Variants in PTPRO observed in about 807,000 individuals in gnomAD.
PTPRO encodes protein tyrosine phosphatase receptor type O.
In PTPRO, 62 loss-of-function variants were observed where a neutral mutation model predicts 145.2. The observed-to-expected ratio is 0.43, with a 90% CI of 0.35 to 0.53. The LOEUF is 0.53. Ranked by LOEUF, PTPRO falls within the 20% of genes least tolerant of loss-of-function variation. PTPRO has a pLI of 0.01. For missense variants in PTPRO, 1,345 were observed against 1,482.7 expected, an observed-to-expected ratio of 0.91 and a Z score of 1.53; for synonymous variants, 565 against 514.7, an observed-to-expected ratio of 1.10 and a Z score of -1.32.
chr12:15,501,600 G>GA lies in PTPRO; in HGVS notation c.662-16dup, dbSNP rs1213540427. ...ATTGAATTAAAAAATACTTGAAAAT[G>GA]AAAATTCTCTCTCTTACAGCCCCTT... is the stretch of plus-strand genomic sequence containing the variant. On this transcript the variant is annotated intron_variant, in intron 4 of 26. Coordinates refer to ENST00000281171, the MANE Select transcript of PTPRO (RefSeq NM_030667.3). 6.3e-7 allele frequency: 1 copy of GA among 1,596,174 alleles called. No homozygotes were observed.
At chr12:15,458,947 C>T (rs1201066650) in intron 1 of PTPRO, among the ~76,000 whole-genome samples, 2 of 152,124 alleles carry the variant, frequency 1.3e-5, no homozygotes, top group Non-Finnish European at 2.9e-5. Context: ...GCTACCTCTT[C>T]CAGCCTTCAT....
At chr12:15,510,521 T>C (rs2284434) in intron 7 of PTPRO, among the ~76,000 whole-genome samples, 46,074 of 152,160 alleles carry the variant, frequency 0.3, 7,639 homozygotes, top group Middle Eastern at 0.39. Flanking sequence ...AAGGTAGAGA[T>C]AGATATTGTA....
chr12:15,388,762 C>T (rs572548474), intron 1 of PTPRO, among the ~76,000 whole-genome samples: 34 of 152,148 alleles, frequency 2.2e-4, no homozygotes, highest in Non-Finnish European at 4.6e-4. Context: ...CTAGTGAGCA[C>T]ATCCTCCGTA....
rs1216438774 is a variant in PTPRO at position 15,513,211 on chromosome 12, A to AAG, written c.1465-2285_1465-2284dup. Among the ~76,000 whole-genome samples, 29 of 132,664 alleles carry AAG rather than the reference A, an allele frequency of 2.2e-4. 1 individual carries two copies. Among genetic ancestry groups the AAG allele is most frequent in the African/African-American group, 8.3e-4 (29 of 34,882 alleles). The allele number at this position is 132,664 out of a possible 152,430, so 87.0% of individuals were successfully genotyped here. The stretch of plus-strand genomic sequence containing the variant: ...AAAGAAAGAAAGAAAGAAAGAAAGA[A>AAG]AGAAAGAAAGAAAGAAAAGAAAGAA... On this transcript the variant is annotated intron_variant, in intron 7 of 26. Coordinates refer to ENST00000281171, the MANE Select transcript of PTPRO (RefSeq NM_030667.3).
At chr12:15,549,371 A>C (rs768088557) in intron 14 of PTPRO, 145 bp downstream of exon 14, 4 of 552,828 alleles carry the variant, frequency 7.2e-6, no homozygotes, top group Non-Finnish European at 1.1e-5. Flanking sequence ...CTTACTAGCT[A>C]TGGAGTTAGA....
intron 1 of PTPRO, among the ~76,000 whole-genome samples, chr12:15,340,101 A>T (rs1264473386): frequency 1.3e-5 from 2 of 152,158 alleles, no homozygotes; most frequent in Non-Finnish European, 2.9e-5. Flanking sequence ...TTTATTGGGG[A>T]CATTCCTAGG....
chr12:15,553,801 G>T (rs1358320964), intron 15 of PTPRO, among the ~76,000 whole-genome samples: 1 of 152,174 alleles, frequency 6.6e-6, no homozygotes, highest in Admixed American at 6.5e-5. Flanking sequence ...GGCAAGAGAT[G>T]CTAATAGTTC....
chr12:15,427,827 GT>G (rs950335648), intron 1 of PTPRO, among the ~76,000 whole-genome samples: 1 of 151,366 alleles, frequency 6.6e-6, no homozygotes, highest in South Asian at 2.1e-4. Flanking sequence ...TGACTTTTGA[GT>G]TTTTTTCTGT....
chr12:15,347,582 AC>A (rs1867267387), intron 1 of PTPRO, among the ~76,000 whole-genome samples: 2 of 152,178 alleles, frequency 1.3e-5, no homozygotes, highest in African/African-American at 4.8e-5. Context: ...CTCTTTACCT[AC>A]CACGTTTCAC....
At chr12:15,498,716 A>G (rs1211001149) in intron 3 of PTPRO, among the ~76,000 whole-genome samples, 1 of 152,238 alleles carries the variant, frequency 6.6e-6, no homozygotes, top group African/African-American at 2.4e-5. Context: ...TTATTTGTTT[A>G]TAGATCACAT....
At chr12:15,437,106 T>C (rs984542808) in intron 1 of PTPRO, among the ~76,000 whole-genome samples, 1 of 151,518 alleles carries the variant, frequency 6.6e-6, no homozygotes, top group African/African-American at 2.4e-5. Flanking sequence ...CCTTGATGTA[T>C]ATGGTGGTAC....
At chr12:15,558,764 T>C (rs2135581260) in intron 16 of PTPRO, among the ~76,000 whole-genome samples, 1 of 152,316 alleles carries the variant, frequency 6.6e-6, no homozygotes, top group African/African-American at 2.4e-5. Flanking sequence ...GGGAGAACTT[T>C]ATTTAGGATA....
At chr12:15,557,377 A>G (rs1422764097) in intron 15 of PTPRO, 78 bp from the exon 16 acceptor site, 6 of 1,276,184 alleles carry the variant, frequency 4.7e-6, no homozygotes, top group South Asian at 2.4e-5. Context: ...AAGCTGGTAA[A>G]GACTCTCTTT....
In PTPRO at chr12:15,361,219, C is replaced by T. The variant is rs558345762; in HGVS notation, c.75+38418C>T. Among the ~76,000 whole-genome samples, 6 of 151,344 alleles carry T rather than the reference C, an allele frequency of 4.0e-5. 1 individual carries two copies. In the South Asian group the frequency reaches 6.2e-4, roughly 16 times the overall value. ...TTGGGAGGCCAAGGCAGGCAGATCA[C>T]GAGGTTAGGAGATCAAGACCAGCCT... is the stretch of plus-strand genomic sequence containing the variant. On this transcript the variant is annotated intron_variant, in intron 1 of 26. Transcript: ENST00000281171.
rs557434324 is a variant in PTPRO at position 15,556,149 on chromosome 12, A to C, written c.2559-1306A>C. Among the ~76,000 whole-genome samples the C allele has an allele frequency of 2.6e-5, 4 of 152,312 alleles. No homozygotes were observed. In the East Asian group the frequency reaches 7.7e-4, roughly 29 times the overall value. On this transcript the variant is annotated intron_variant, in intron 15 of 26. Coordinates refer to ENST00000281171, the MANE Select transcript of PTPRO (RefSeq NM_030667.3). ...ATAGAGTCCTAAATTCTATCTTTGGAACTCCAGATTAAAACCCTTGAGTTA... is the reference window on the plus strand; with the variant it reads ...ATAGAGTCCTAAATTCTATCTTTGGCACTCCAGATTAAAACCCTTGAGTTA...
chr12:15,518,191 C>T (rs553340071), intron 9 of PTPRO, among the ~76,000 whole-genome samples: 1 of 152,070 alleles, frequency 6.6e-6, no homozygotes, highest in African/African-American at 2.4e-5. Flanking sequence ...AGCTGCCAAG[C>T]CTTGGGGCTT....
intron 13 of PTPRO, among the ~76,000 whole-genome samples, chr12:15,548,520 G>A (rs1292209064): frequency 1.4e-5 from 2 of 139,696 alleles, no homozygotes; most frequent in African/African-American, 5.4e-5. Flanking sequence ...ATATATGTGT[G>A]TATATATATG....
intron 4 of PTPRO, among the ~76,000 whole-genome samples, chr12:15,499,947 A>T (rs372187957): frequency 1.3e-5 from 2 of 152,194 alleles, no homozygotes; most frequent in South Asian, 4.1e-4. Context: ...AGTACAGATT[A>T]TCAGATTATT....
chr12:15,581,015 G>C (rs1422182700), intron 22 of PTPRO, among the ~76,000 whole-genome samples, 184 bp downstream of exon 22: 2 of 152,162 alleles, frequency 1.3e-5, no homozygotes, highest in Non-Finnish European at 2.9e-5. Flanking sequence ...GGTGGTCTTT[G>C]CAATGTCTAA....
Sources: allele counts gnomAD v4.1 joint callset (sites outside exome capture counted in the v4.1 genomes callset), GRCh38; gene constraint gnomAD v4.1.1; transcripts MANE v1.5; gene names NCBI Gene and HGNC (gene_info 2026-07-23, HGNC 2026-07-21).